The following ELMO1 variants were observed in gnomAD, a reference collection of about 807,000 sequenced individuals.
The protein encoded by ELMO1 is engulfment and cell motility protein 1.
A neutral mutation model predicts 98.9 loss-of-function variants in ELMO1; 26 were observed. The ratio of observed to expected loss-of-function variants is 0.26; its 90% confidence interval spans 0.19 to 0.36. ELMO1 has a LOEUF of 0.36. ELMO1 is among the 10% of genes least tolerant of loss of function. The probability of loss-of-function intolerance (pLI) is 1.00; values close to 1 mark genes in which losing one functional copy is unlikely to be tolerated. For missense variants in ELMO1, 627 were observed against 935.2 expected (o/e 0.67, Z 4.30); for synonymous variants, 346 against 346.0 (o/e 1.00, Z 0.00).
chr7:37,227,087 CTCTTT>C (rs1295819052), intron 8 of ELMO1, among the ~76,000 whole-genome samples: 5 of 152,218 alleles, frequency 3.3e-5, no homozygotes, highest in Admixed American at 6.5e-5. Flanking sequence ...CCAATTATCA[CTCTTT>C]TCTAAGAATC....
intron 7 of ELMO1, among the ~76,000 whole-genome samples, chr7:37,239,428 G>C (rs1382611664): frequency 1.3e-5 from 2 of 152,196 alleles, no homozygotes; most frequent in South Asian, 4.1e-4. Flanking sequence ...GCCTCCCAAA[G>C]TGCTGGGATT....
intron 5 of ELMO1, among the ~76,000 whole-genome samples, chr7:37,261,285 G>C (rs1332090125): frequency 6.6e-6 from 1 of 152,192 alleles, no homozygotes; most frequent in Non-Finnish European, 1.5e-5. Flanking sequence ...CTTGCCCAAG[G>C]TCACACAGCT....
intron 1 of ELMO1, among the ~76,000 whole-genome samples, chr7:37,407,979 T>A (rs1253129652): frequency 1.3e-5 from 2 of 152,188 alleles, no homozygotes; most frequent in Non-Finnish European, 2.9e-5. Context: ...TGATTAATTT[T>A]TAAAATATTT....
chr7:37,273,491 C>T (rs766265453), intron 4 of ELMO1, among the ~76,000 whole-genome samples: 2 of 152,180 alleles, frequency 1.3e-5, no homozygotes, highest in Non-Finnish European at 2.9e-5. Context: ...TCCAGCCATG[C>T]GGAACTGTGA....
At chr7:37,166,720 T>G (rs939221111) in intron 13 of ELMO1, among the ~76,000 whole-genome samples, 14 of 152,238 alleles carry the variant, frequency 9.2e-5, no homozygotes, top group African/African-American at 1.2e-4. Flanking sequence ...TTATAATTTC[T>G]GCTCTTTTAC....
chr7:37,099,357 T>C (rs970620709), intron 14 of ELMO1, among the ~76,000 whole-genome samples: 1 of 152,238 alleles, frequency 6.6e-6, no homozygotes, highest in Non-Finnish European at 1.5e-5. Context: ...ATTCTTAAGC[T>C]GGACAATAGC....
chr7:37,034,579 A>T (rs1295242580), intron 15 of ELMO1, among the ~76,000 whole-genome samples: 1 of 152,204 alleles, frequency 6.6e-6, no homozygotes, highest in Non-Finnish European at 1.5e-5. Flanking sequence ...TAGCAAAAAC[A>T]GTTGATTAAT....
chr7:37,142,071 A>G (rs766256503), intron 13 of ELMO1, among the ~76,000 whole-genome samples: 2 of 152,244 alleles, frequency 1.3e-5, no homozygotes, highest in Non-Finnish European at 2.9e-5. Context: ...TTAAAATACT[A>G]GAGAACTGCT....
At position 36,940,987 on chromosome 7, in the gene ELMO1, A is replaced by C. The variant is rs147272201; in HGVS notation, c.1438-45970T>G. ...AAGATAACTTATAGCTGGGAAATCT[A>C]GAGAAGGTTCATGAAGGAGATAGCA... On this transcript the variant is annotated intron_variant, in intron 16 of 21. Transcript: ENST00000310758. 3.9e-5 allele frequency among the ~76,000 whole-genome samples: 6 copies of C among 152,394 alleles called. No individual in the cohort carries two copies. The East Asian group carries it at 9.6e-4, about 24-fold the overall frequency.
intron 1 of ELMO1, among the ~76,000 whole-genome samples, chr7:37,420,319 T>C (rs369523975): frequency 9.8e-5 from 15 of 152,340 alleles, no homozygotes; most frequent in Middle Eastern, 6.8e-3. Context: ...TACTTGGACA[T>C]TAGGAGCAGA....
intron 10 of ELMO1, 96 bp from the exon 11 acceptor site, chr7:37,216,791 CTGT>C: frequency 1.7e-6 from 2 of 1,205,058 alleles, no homozygotes; most frequent in South Asian, 2.5e-5. Flanking sequence ...TGCTTCGTAA[CTGT>C]ATATCAGCAG....
At chr7:37,394,211 G>C (rs1054700198) in intron 1 of ELMO1, among the ~76,000 whole-genome samples, 7 of 152,182 alleles carry the variant, frequency 4.6e-5, no homozygotes, top group African/African-American at 1.7e-4. Flanking sequence ...AAAGCTACAG[G>C]ACAGCAGTGA....
Position 37,362,235 on chromosome 7 carries a change from A to ATATAT in ELMO1, c.-73-19473_-73-19472insATATA, listed in dbSNP as rs369021694. On this transcript the variant is annotated intron_variant, in intron 1 of 21. Coordinates refer to ENST00000310758, the MANE Select transcript of ELMO1 (RefSeq NM_014800.11). The stretch of plus-strand genomic sequence containing the variant: ...TGTATATGATATATATATATATATA[A>ATATAT]TTTCTCCGTTACATCCTTGTGCCAG... Among the ~76,000 whole-genome samples, 799 of 149,758 alleles carry ATATAT rather than the reference A, an allele frequency of 5.3e-3. 4 individuals are homozygous for ATATAT. Among genetic ancestry groups the ATATAT allele is most frequent in the Middle Eastern group, 0.024 (7 of 286 alleles).
chr7:37,448,375 C>A (rs539649944), intron 1 of ELMO1, among the ~76,000 whole-genome samples: 440 of 151,752 alleles, frequency 2.9e-3, no homozygotes, highest in South Asian at 9.8e-3. Context: ...GCTTCATCCG[C>A]GGGCGCCGCA....
intron 13 of ELMO1, among the ~76,000 whole-genome samples, chr7:37,156,165 A>G (rs1451947623): frequency 1.3e-5 from 2 of 152,252 alleles, no homozygotes; most frequent in Non-Finnish European, 2.9e-5. Context: ...TCTGGGACAC[A>G]TTTAAAGCAG....
intron 16 of ELMO1, among the ~76,000 whole-genome samples, chr7:37,010,794 T>C (rs1240856336): frequency 6.6e-6 from 1 of 152,166 alleles, no homozygotes; most frequent in Non-Finnish European, 1.5e-5. Flanking sequence ...AGAAAAGTTA[T>C]ATACGCATGA....
intron 16 of ELMO1, among the ~76,000 whole-genome samples, chr7:36,939,333 A>G (rs972252841): frequency 2.0e-5 from 2 of 100,878 alleles, no homozygotes; most frequent in African/African-American, 1.0e-4. Context: ...TCAAGTACTC[A>G]TAGAAGACTT....
At chr7:36,877,331 T>C (rs1212962812) in intron 19 of ELMO1, among the ~76,000 whole-genome samples, 1 of 152,254 alleles carries the variant, frequency 6.6e-6, no homozygotes, top group Non-Finnish European at 1.5e-5. Flanking sequence ...CTTGTGTATT[T>C]CAGTGTTTCT....
At chr7:37,421,798 C>T (rs1006853463) in intron 1 of ELMO1, among the ~76,000 whole-genome samples, 3 of 152,182 alleles carry the variant, frequency 2.0e-5, no homozygotes, top group African/African-American at 4.8e-5. Context: ...TTATAGACTT[C>T]GGCAGAAGAG....
Sources: allele counts gnomAD v4.1 joint callset (sites outside exome capture counted in the v4.1 genomes callset), GRCh38; gene constraint gnomAD v4.1.1; transcripts MANE v1.5; gene names NCBI Gene and HGNC (gene_info 2026-07-23, HGNC 2026-07-21).